BICDL1: variants seen among roughly 807,000 people sequenced by gnomAD.
BICDL1 encodes BICD family-like cargo adapter 1.
Under a neutral mutation model 76.8 loss-of-function variants are expected in BICDL1, and 20 were observed. The observed-to-expected ratio is 0.26, with a 90% CI of 0.18 to 0.38. BICDL1 has a LOEUF of 0.38. Ranked by LOEUF, BICDL1 falls within the 10% of genes least tolerant of loss-of-function variation. The pLI is 1.00. For synonymous variants in BICDL1, 383 were observed against 337.1 expected (o/e 1.14, Z -1.49); for missense variants, 700 against 798.6 (o/e 0.88, Z 1.49).
chr12:120,093,150 A>G lies in BICDL1; in HGVS notation c.1855A>G (p.Arg619Gly). 1.9e-6 allele frequency: 3 copies of G among 1,602,814 alleles called. No homozygotes were observed. Among genetic ancestry groups the G allele is most frequent in the Non-Finnish European group, 2.6e-6 (3 of 1,174,318 alleles). Residue 619 changes from arginine (R) to glycine (G), a missense_variant, in exon 10 of 10, where the codon AGG (arginine) becomes GGG (glycine). This residue lies in a region of BICDL1 where 455 missense variants were observed against 548.7 expected (regional missense o/e 0.83). Coordinates refer to ENST00000548673, the MANE Select transcript of BICDL1 (RefSeq NM_001367886.1). ...AEGKRLFSFFRKI is the reference protein window; with the variant it reads ...AEGKRLFSFFGKI Reference sequence around the variant, plus strand: ...AGGCAAACGACTCTTCTCATTCTTCAGGAAAATTTAAGTTGGGAGGAGTCA... The same window carrying G: ...AGGCAAACGACTCTTCTCATTCTTCGGGAAAATTTAAGTTGGGAGGAGTCA...
At position 120,042,145 on chromosome 12, in the gene BICDL1, T is replaced by C. The variant is rs545513142; in HGVS notation, c.646-19565T>C. Among the ~76,000 whole-genome samples, 7 of 152,220 alleles carry C rather than the reference T, an allele frequency of 4.6e-5. No individual in the cohort carries two copies. The South Asian group carries it at 1.5e-3, about 32-fold the overall frequency. On this transcript the variant is annotated intron_variant, in intron 2 of 9. Transcript: ENST00000548673. The stretch of plus-strand genomic sequence containing the variant: ...GTGGAGGCGGGAAGAAGTGATAGCA[T>C]CCTGGATATTAATTTTACTCGATAA...
intron 7 of BICDL1, among the ~76,000 whole-genome samples, chr12:120,074,898 G>A (rs972738826): frequency 3.3e-5 from 5 of 152,330 alleles, no homozygotes; most frequent in Admixed American, 6.5e-5. Flanking sequence ...CTACTTATGG[G>A]TGCTTTTCCA....
At chr12:120,012,942 A>G (rs965184234) in intron 2 of BICDL1, among the ~76,000 whole-genome samples, 7 of 152,168 alleles carry the variant, frequency 4.6e-5, no homozygotes, top group African/African-American at 1.7e-4. Context: ...ATGGAATATC[A>G]TTATCCTTTA....
rs397850497 is a variant in BICDL1, at chr12:120,085,998, TAAAAAAAA to T, written c.1584-3940_1584-3933del. Reference sequence around the variant, plus strand: ...GCAAGTTGTCCAGTCTTTCTCCCTTTAAAAAAAAAAAAAAAAAAAAGTAAAACCTAGCT... The same window carrying T: ...GCAAGTTGTCCAGTCTTTCTCCCTTTAAAAAAAAAAAAGTAAAACCTAGCT... On this transcript the variant is annotated intron_variant, in intron 8 of 9. Coordinates refer to ENST00000548673, the MANE Select transcript of BICDL1 (RefSeq NM_001367886.1). Among the ~76,000 whole-genome samples, 96 of 129,344 alleles carry T rather than the reference TAAAAAAAA, an allele frequency of 7.4e-4. 3 individuals carry two copies. In the East Asian group the frequency reaches 0.018, roughly 24 times the overall value. 84.9% of individuals were successfully genotyped at this position (129,344 alleles called of 152,430 possible). A position where few individuals can be genotyped will look rare whatever the true frequency, so the allele number is the denominator to read the frequency against.
intron 8 of BICDL1, among the ~76,000 whole-genome samples, chr12:120,085,227 CT>C (rs1446609184): frequency 3.9e-5 from 6 of 152,054 alleles, no homozygotes; most frequent in Admixed American, 3.9e-4. Flanking sequence ...AGGTGGATCA[CT>C]TGAGGTCAGG....
intron 2 of BICDL1, chr12:120,018,780 TCA>T (rs1594122049): frequency 1.3e-5 from 2 of 152,132 alleles, no homozygotes; most frequent in Admixed American, 6.5e-5. Context: ...GCGCGGTGGC[TCA>T]CACATGTAAT....
At chr12:120,022,341 A>G (rs1359270756) in intron 2 of BICDL1, among the ~76,000 whole-genome samples, 1 of 150,954 alleles carries the variant, frequency 6.6e-6, no homozygotes, top group Non-Finnish European at 1.5e-5. Flanking sequence ...AAGCAGGAGC[A>G]TTGCTTGAGC....
chr12:120,013,081 CG>C (rs1296717820), intron 2 of BICDL1, among the ~76,000 whole-genome samples: 2 of 152,100 alleles, frequency 1.3e-5, no homozygotes, highest in East Asian at 3.9e-4. Flanking sequence ...GAGGCCAAGG[CG>C]GGTGGATCAC....
intron 2 of BICDL1, chr12:120,000,537 G>A (rs1951738564): frequency 6.6e-6 from 1 of 152,180 alleles, no homozygotes; most frequent in African/African-American, 2.4e-5. Context: ...CATACTTTGA[G>A]TAAGTGTTTC....
intron 4 of BICDL1, among the ~76,000 whole-genome samples, chr12:120,067,087 T>G (rs989919358): frequency 2.6e-5 from 4 of 152,230 alleles, no homozygotes; most frequent in Non-Finnish European, 4.4e-5. Flanking sequence ...GACCTGAGAA[T>G]AAGCATAAAA....
In BICDL1 at chr12:120,061,748, C is replaced by T. The variant is rs201403661; in HGVS notation, c.684C>T (p.His228=). Residue 228 remains histidine, a synonymous_variant, in exon 3 of 10, where the codon CAC becomes CAT. Transcript: ENST00000548673. ...EVERQLSMQV[H]ALREDFREKN... is the part of the protein sequence containing the mutation. ...AGAGACAACTCTCCATGCAGGTCCA[C>T]GCCCTCAGAGAAGACTTTCGGGAGA... 63 of 1,614,184 alleles carry T rather than the reference C, an allele frequency of 3.9e-5. No individual in the cohort carries two copies. The highest frequency in any genetic ancestry group is 1.6e-4 in the Middle Eastern group (1 of 6,062).
rs192980987 is a variant in BICDL1, at chr12:119,994,385, T to G, written c.429+4088T>G. 2.1e-3 allele frequency among the ~76,000 whole-genome samples: 326 copies of G among 152,124 alleles called. 4 individuals carry two copies. Among genetic ancestry groups the G allele is most frequent in the Middle Eastern group, 0.01 (3 of 294 alleles). On this transcript the variant is annotated intron_variant, in intron 1 of 9. Transcript: ENST00000548673. ...CTGGACTTCTGAGCATATTGTCAGTTTTTTGGTTCTTTTTTTTTTTTTGGC... is the reference window on the plus strand; with the variant it reads ...CTGGACTTCTGAGCATATTGTCAGTGTTTTGGTTCTTTTTTTTTTTTTGGC...
chr12:120,066,413 T>C (rs906481322), intron 4 of BICDL1, among the ~76,000 whole-genome samples: 1 of 152,144 alleles, frequency 6.6e-6, no homozygotes, highest in Non-Finnish European at 1.5e-5. Flanking sequence ...CAGCATGAAT[T>C]TATAGTGAAA....
At chr12:120,083,636 TTTATTTATTTATTTA>T (rs1874167330) in intron 8 of BICDL1, among the ~76,000 whole-genome samples, 5 of 89,274 alleles carry the variant, frequency 5.6e-5, no homozygotes, top group Non-Finnish European at 1.1e-4. Context: ...GTAGTATTTA[TTTATTTATTTATTTA>T]TTTATTTATT....
intron 2 of BICDL1, chr12:119,999,692 C>A: frequency 2.9e-6 from 1 of 346,998 alleles, no homozygotes; most frequent in Non-Finnish European, 5.5e-6. Context: ...AATTTAAATA[C>A]AGAACATACC....
Position 120,071,774 on chromosome 12 carries a change from T to C in BICDL1, c.1062T>C (p.Ala354=). 6.2e-7 allele frequency: 1 copy of C among 1,610,254 alleles called. No homozygotes were observed. Among genetic ancestry groups the C allele is most frequent in the Non-Finnish European group, 8.5e-7 (1 of 1,179,104 alleles). The change falls in exon 5 of 10, where the codon GCT becomes GCC. Residue 354 remains alanine (A), a synonymous_variant. Transcript: ENST00000548673. This position sits in a 1 kb window ranked among gnomAD's most constrained non-coding sequence, Gnocchi z 4.8. Reference sequence around the variant, plus strand: ...CAGAGATCGAGCAGAGCATGGAGGCTGAGGAGCTGGAGCAGGAGCGAGAGC... The same window carrying C: ...CAGAGATCGAGCAGAGCATGGAGGCCGAGGAGCTGGAGCAGGAGCGAGAGC... ...LLSEIEQSME[A]EELEQEREQL... is the part of the protein sequence containing the mutation.
intron 2 of BICDL1, among the ~76,000 whole-genome samples, chr12:120,035,129 A>G (rs1952506731): frequency 6.6e-6 from 1 of 152,188 alleles, no homozygotes; most frequent in South Asian, 2.1e-4. Context: ...TGAAGTCAGG[A>G]GTTCAAGGCC....
At chr12:120,004,510 G>T (rs1951816522) in intron 2 of BICDL1, among the ~76,000 whole-genome samples, 1 of 152,190 alleles carries the variant, frequency 6.6e-6, no homozygotes, top group Non-Finnish European at 1.5e-5. Context: ...AAGGCCAGGA[G>T]AATCCAAAGC....
chr12:120,068,582 G>A (rs998791222), intron 4 of BICDL1, among the ~76,000 whole-genome samples: 17 of 152,232 alleles, frequency 1.1e-4, no homozygotes, highest in African/African-American at 3.6e-4. Context: ...TTGGGAAGCC[G>A]ATATGGGCAG....
Sources: gnomAD v4.1 joint callset for allele counts (sites outside exome capture counted in the v4.1 genomes callset) on GRCh38, gnomAD v4.1.1 for gene constraint, gnomAD v4.1.1 regional missense constraint, Gnocchi (gnomAD v3.1) non-coding constraint, MANE v1.5 for transcripts, NCBI Gene and HGNC (gene_info 2026-07-23, HGNC 2026-07-21) for gene names.